Variants in BRIP1 observed in about 807,000 individuals in gnomAD.
BRIP1 encodes BRCA1 interacting DNA helicase 1, also known as Fanconi anemia group J protein.
A neutral mutation model predicts 119.7 loss-of-function variants in BRIP1; 88 were observed. The ratio of observed to expected loss-of-function variants is 0.74; its 90% confidence interval spans 0.62 to 0.88. The LOEUF is 0.88. Among genes scored for constraint, BRIP1 ranks in the 40% least tolerant of loss-of-function variants. BRIP1 has a pLI of 0.00. For synonymous variants in BRIP1, 443 were observed against 496.5 expected (o/e 0.89, Z 1.43); for missense variants, 1,259 against 1,455.4 (o/e 0.87, Z 2.20).
chr17:61,691,222 A>T lies in BRIP1; in HGVS notation c.2575+2208T>A, dbSNP rs950618337. On this transcript the variant is annotated intron_variant, in intron 18 of 19. Coordinates refer to ENST00000259008, the MANE Select transcript of BRIP1 (RefSeq NM_032043.3). The surrounding 1 kb of genome is among the most constrained non-coding windows in gnomAD (Gnocchi z 5.0). The stretch of plus-strand genomic sequence containing the variant: ...GCACGTTGTGCACATGTACCCTAGA[A>T]CTTAAAGTATAATAATAAAAATAAA... Among the ~76,000 whole-genome samples, 7 of 152,152 alleles carry T rather than the reference A, an allele frequency of 4.6e-5. No individual in the cohort carries two copies.
intron 10 of BRIP1, among the ~76,000 whole-genome samples, chr17:61,787,746 G>C (rs1223062623): frequency 3.3e-5 from 5 of 152,022 alleles, no homozygotes; most frequent in Non-Finnish European, 7.4e-5. Context: ...CCAGGTTTGC[G>C]CCATTCTCCT....
intron 14 of BRIP1, among the ~76,000 whole-genome samples, chr17:61,764,981 C>A (rs1292428401): frequency 6.6e-6 from 1 of 151,820 alleles, no homozygotes; most frequent in Non-Finnish European, 1.5e-5. Flanking sequence ...AGGTTCTGTC[C>A]TCATGGATGG....
rs2077178482 is a variant in BRIP1 at position 61,754,812 on chromosome 17, C to A, written c.2098-10221G>T. On this transcript the variant is annotated intron_variant, in intron 14 of 19. Coordinates refer to ENST00000259008, the MANE Select transcript of BRIP1 (RefSeq NM_032043.3). This position sits in a 1 kb window ranked among gnomAD's most constrained non-coding sequence, Gnocchi z 4.1. Reference sequence around the variant, plus strand: ...TTCAGAGAGGAACAGGGAGAGAGAGCAATGAAGTTTTCTGGTGTCTCTTCT... The same window carrying A: ...TTCAGAGAGGAACAGGGAGAGAGAGAAATGAAGTTTTCTGGTGTCTCTTCT... Among the ~76,000 whole-genome samples the A allele has an allele frequency of 6.6e-6, 1 of 152,140 alleles. No individual in the cohort carries two copies. Among genetic ancestry groups the A allele is most frequent in the East Asian group, 1.9e-4 (1 of 5,172 alleles).
At position 61,800,714 on chromosome 17, in the gene BRIP1, A is replaced by G. The variant is rs1385727066; in HGVS notation, c.1140+539T>C. Reference sequence around the variant, plus strand: ...TAGGATAGAAGGGGTAGTAAACATAATGCCTATTAATTTGGATCTTAAAGA... The same window carrying G: ...TAGGATAGAAGGGGTAGTAAACATAGTGCCTATTAATTTGGATCTTAAAGA... On this transcript the variant is annotated intron_variant, in intron 8 of 19. Transcript: ENST00000259008. 2.0e-5 allele frequency among the ~76,000 whole-genome samples: 3 copies of G among 152,118 alleles called. 1 individual carries two copies. In the South Asian group the frequency reaches 6.2e-4, roughly 31 times the overall value.
rs1180519885 is a variant in BRIP1 at position 61,780,765 on chromosome 17, A to G, written c.1794+75T>C. The G allele has an allele frequency of 4.7e-6, 7 of 1,494,044 alleles. No homozygotes were observed. Among genetic ancestry groups the G allele is most frequent in the Non-Finnish European group, 6.5e-6 (7 of 1,072,116 alleles). 92.5% of individuals were successfully genotyped at this position (1,494,044 alleles called of 1,614,324 possible). A position where few individuals can be genotyped will look rare whatever the true frequency, so the allele number is the denominator to read the frequency against. On this transcript the variant is annotated intron_variant, in intron 12 of 19. Transcript: ENST00000259008. This position sits in a 1 kb window ranked among gnomAD's most constrained non-coding sequence, Gnocchi z 5.4. ...CAACAACAACAAACAACTATCTTTA[A>G]AAGAGTCAACCACATTTATTAAAAT...
Position 61,722,946 on chromosome 17 carries a change from C to T in BRIP1, c.2380-6883G>A, listed in dbSNP as rs2062006317. Among the ~76,000 whole-genome samples the T allele has an allele frequency of 6.6e-6, 1 of 152,038 alleles. No individual in the cohort carries two copies. The highest frequency in any genetic ancestry group is 1.5e-5 in the Non-Finnish European group (1 of 67,994). On this transcript the variant is annotated intron_variant, in intron 16 of 19. Transcript: ENST00000259008. The surrounding 1 kb of genome is among the most constrained non-coding windows in gnomAD (Gnocchi z 4.6). Reference sequence around the variant, plus strand: ...TAAAAACCTACAAAAGAACAAAAAACTCCCAAACAAAAAACAAAACCCTGA... The same window carrying T: ...TAAAAACCTACAAAAGAACAAAAAATTCCCAAACAAAAAACAAAACCCTGA...
chr17:61,745,916 A>G lies in BRIP1; in HGVS notation c.2098-1325T>C, dbSNP rs1464719245. ...ATAGCAAATGCAAAGAAAGAAGTTAATAATAAAGCTGAATAAATGAAAAAG... is the reference window on the plus strand; with the variant it reads ...ATAGCAAATGCAAAGAAAGAAGTTAGTAATAAAGCTGAATAAATGAAAAAG... On this transcript the variant is annotated intron_variant, in intron 14 of 19. Transcript: ENST00000259008. The surrounding 1 kb of genome is among the most constrained non-coding windows in gnomAD (Gnocchi z 4.4). Among the ~76,000 whole-genome samples, 2 of 152,216 alleles carry G rather than the reference A, an allele frequency of 1.3e-5. No individual in the cohort carries two copies. Among genetic ancestry groups the G allele is most frequent in the African/African-American group, 4.8e-5 (2 of 41,466 alleles).
chr17:61,849,253 G>A lies in BRIP1; in HGVS notation c.383C>T (p.Ser128Phe), dbSNP rs1603362723. Residue 128 changes from serine to phenylalanine, a missense_variant, in exon 5 of 20, where the codon TCC becomes TTC. Transcript: ENST00000259008. ...RNGTSSTCQD[S>F]PEKTTLAAKL... ...TGCAGCCAGAGTGGTTTTTTCAGGG[G>A]AGTCTTATATAAGTAATTTAAAAAA... The A allele has an allele frequency of 6.2e-7, 1 of 1,611,938 alleles. No individual in the cohort carries two copies. The highest frequency in any genetic ancestry group is 8.5e-7 in the Non-Finnish European group (1 of 1,178,654).
At position 61,841,966 on chromosome 17, in the gene BRIP1, C is replaced by A. The variant is rs2078664478; in HGVS notation, c.627+5135G>T. ...AAAGTGTTGGGATTACTGGTGTGAG[C>A]CACCACACCCAGCCAACACCATGTT... is the stretch of plus-strand genomic sequence containing the variant. On this transcript the variant is annotated intron_variant, in intron 6 of 19. Coordinates refer to ENST00000259008, the MANE Select transcript of BRIP1 (RefSeq NM_032043.3). The surrounding 1 kb of genome is among the most constrained non-coding windows in gnomAD (Gnocchi z 4.1). Among the ~76,000 whole-genome samples the A allele has an allele frequency of 6.6e-6, 1 of 152,110 alleles. No individual in the cohort carries two copies. Among genetic ancestry groups the A allele is most frequent in the Non-Finnish European group, 1.5e-5 (1 of 68,010 alleles).
In BRIP1 at chr17:61,816,674, T is replaced by C. The variant is rs1303758588; in HGVS notation, c.628-7917A>G. Among the ~76,000 whole-genome samples the C allele has an allele frequency of 6.6e-6, 1 of 152,112 alleles. No homozygotes were observed. The highest frequency in any genetic ancestry group is 1.5e-5 in the Non-Finnish European group (1 of 68,024). On this transcript the variant is annotated intron_variant, in intron 6 of 19. Transcript: ENST00000259008. This position sits in a 1 kb window ranked among gnomAD's most constrained non-coding sequence, Gnocchi z 5.0. ...ATAATAGAACTTTACATAGATGTGA[T>C]TATAGCAATGAGTCTCAAAGCAGTG...
At position 61,754,971 on chromosome 17, in the gene BRIP1, A is replaced by G. The variant is rs903170172; in HGVS notation, c.2098-10380T>C. ...GCTTCAACATAAAAAATTTGGTGGTATACAAACATTCAGTCCATAATATCA... is the reference window on the plus strand; with the variant it reads ...GCTTCAACATAAAAAATTTGGTGGTGTACAAACATTCAGTCCATAATATCA... On this transcript the variant is annotated intron_variant, in intron 14 of 19. Transcript: ENST00000259008. This position sits in a 1 kb window ranked among gnomAD's most constrained non-coding sequence, Gnocchi z 4.1. 6.6e-6 allele frequency among the ~76,000 whole-genome samples: 1 copy of G among 152,200 alleles called. No homozygotes were observed. Among genetic ancestry groups the G allele is most frequent in the Non-Finnish European group, 1.5e-5 (1 of 68,030 alleles).
At chr17:61,702,569 G>C (rs570063612) in intron 17 of BRIP1, among the ~76,000 whole-genome samples, 1 of 152,218 alleles carries the variant, frequency 6.6e-6, no homozygotes, top group Non-Finnish European at 1.5e-5. Flanking sequence ...TTGGTTTTCT[G>C]TTCCTCCGTT....
intron 6 of BRIP1, among the ~76,000 whole-genome samples, chr17:61,826,397 C>T (rs1425101015): frequency 1.3e-5 from 2 of 151,984 alleles, no homozygotes; most frequent in Admixed American, 1.3e-4. Context: ...TGACAAATGA[C>T]ACCCAATAAA....
rs1168601034 is a variant in BRIP1, at chr17:61,860,617, G to A, written c.94-710C>T. Among the ~76,000 whole-genome samples, 3 of 152,020 alleles carry A rather than the reference G, an allele frequency of 2.0e-5. No homozygotes were observed. The highest frequency in any genetic ancestry group is 4.4e-5 in the Non-Finnish European group (3 of 67,980). ...AGGGGTTGCAGTGAGCCAAGATCGCGCCACTGCACTCCAATCTGGGCGACA... is the reference window on the plus strand; with the variant it reads ...AGGGGTTGCAGTGAGCCAAGATCGCACCACTGCACTCCAATCTGGGCGACA... On this transcript the variant is annotated intron_variant, in intron 2 of 19. Coordinates refer to ENST00000259008, the MANE Select transcript of BRIP1 (RefSeq NM_032043.3). This position sits in a 1 kb window ranked among gnomAD's most constrained non-coding sequence, Gnocchi z 4.1.
At chr17:61,787,628 T>C (rs1239335297) in intron 10 of BRIP1, among the ~76,000 whole-genome samples, 2 of 151,220 alleles carry the variant, frequency 1.3e-5, no homozygotes, top group Admixed American at 1.3e-4. Flanking sequence ...CCAAGATGTC[T>C]TTTTCTTTTT....
intron 14 of BRIP1, among the ~76,000 whole-genome samples, chr17:61,763,833 A>C (rs1314071735): frequency 2.0e-5 from 3 of 152,180 alleles, no homozygotes; most frequent in Non-Finnish European, 2.9e-5. Flanking sequence ...CGTAGCTAGA[A>C]GTTAGAAACC....
Position 61,815,160 on chromosome 17 carries a change from T to C in BRIP1, c.628-6403A>G, listed in dbSNP as rs1473108605. Among the ~76,000 whole-genome samples, 2 of 151,018 alleles carry C rather than the reference T, an allele frequency of 1.3e-5. No homozygotes were observed. The highest frequency in any genetic ancestry group is 3.0e-5 in the Non-Finnish European group (2 of 67,782). ...AGTAAATATACTCTGTTCTGGTTTC[T>C]CCTCAGTTGTTTCATACCCAGCAGA... On this transcript the variant is annotated intron_variant, in intron 6 of 19. Coordinates refer to ENST00000259008, the MANE Select transcript of BRIP1 (RefSeq NM_032043.3). The surrounding 1 kb of genome is among the most constrained non-coding windows in gnomAD (Gnocchi z 4.1).
Position 61,708,443 on chromosome 17 carries a change from AC to A in BRIP1, c.2492+7507del, listed in dbSNP as rs1251839580. Among the ~76,000 whole-genome samples, 5 of 152,188 alleles carry A rather than the reference AC, an allele frequency of 3.3e-5. No individual in the cohort carries two copies. The highest frequency in any genetic ancestry group is 1.2e-4 in the African/African-American group (5 of 41,456). ...AAACATAGTATACGTAGAGTTTGGTACTATCCATGGTTTCAGGCATTTAGTG... is the reference window on the plus strand; with the variant it reads ...AAACATAGTATACGTAGAGTTTGGTATATCCATGGTTTCAGGCATTTAGTG... On this transcript the variant is annotated intron_variant, in intron 17 of 19. Transcript: ENST00000259008. This position sits in a 1 kb window ranked among gnomAD's most constrained non-coding sequence, Gnocchi z 4.4.
Position 61,861,551 on chromosome 17 carries a change from G to A in BRIP1, c.-12C>T, listed in dbSNP as rs1370833126. ...CACATTGAAGACATAGTGCTTTCCT[G>A]TTTATTTCAGATTCCTAACTACAAC... On this transcript the variant is annotated 5_prime_UTR_variant, in exon 2 of 20. Coordinates refer to ENST00000259008, the MANE Select transcript of BRIP1 (RefSeq NM_032043.3). This position sits in a 1 kb window ranked among gnomAD's most constrained non-coding sequence, Gnocchi z 4.5. 5 of 1,576,450 alleles carry A rather than the reference G, an allele frequency of 3.2e-6. No individual in the cohort carries two copies. The highest frequency in any genetic ancestry group is 2.6e-6 in the Non-Finnish European group (3 of 1,146,024).
Sources: allele counts gnomAD v4.1 joint callset (sites outside exome capture counted in the v4.1 genomes callset), GRCh38; gene constraint gnomAD v4.1.1; non-coding constraint Gnocchi (gnomAD v3.1); transcripts MANE v1.5; gene names NCBI Gene and HGNC (gene_info 2026-07-23, HGNC 2026-07-21).